Variants in AGK observed in about 807,000 individuals in gnomAD.
AGK encodes acylglycerol kinase.
AGK carries 52 observed loss-of-function variants against 66.4 expected under a neutral mutation model. The observed-to-expected ratio is 0.78, with a 90% CI of 0.63 to 0.99. The LOEUF is 0.99. Ranked by LOEUF, AGK falls within the 50% of genes least tolerant of loss-of-function variation. The pLI, the probability that AGK is intolerant of heterozygous loss-of-function variation, is 0.00. For synonymous variants in AGK, 182 were observed against 181.1 expected (o/e 1.00, Z -0.04); for missense variants, 451 against 506.6 (o/e 0.89, Z 1.05).
intron 13 of AGK, among the ~76,000 whole-genome samples, chr7:141,644,946 A>G (rs201121229): frequency 6.6e-6 from 1 of 152,120 alleles, no homozygotes; most frequent in East Asian, 1.9e-4. Context: ...CCATTTTCTC[A>G]TATTTATACT....
At chr7:141,613,581 C>T (rs1316570476) in intron 6 of AGK, among the ~76,000 whole-genome samples, 4 of 152,118 alleles carry the variant, frequency 2.6e-5, no homozygotes, top group Non-Finnish European at 5.9e-5. Context: ...ATCATGCCAT[C>T]GCTCTCCAGC....
intron 15 of AGK, 137 bp downstream of exon 15, chr7:141,651,746 C>A: frequency 1.3e-6 from 1 of 794,366 alleles, no homozygotes; most frequent in Non-Finnish European, 2.1e-6. Flanking sequence ...TTTTGCCAGG[C>A]TCTGGGTCAT....
At chr7:141,562,961 T>C (rs924044532) in intron 2 of AGK, among the ~76,000 whole-genome samples, 3 of 152,230 alleles carry the variant, frequency 2.0e-5, no homozygotes, top group Non-Finnish European at 4.4e-5. Flanking sequence ...CTAAATTTGT[T>C]CCAGCTCTAG....
At chr7:141,641,463 C>T (rs1797288762) in intron 12 of AGK, 65 bp downstream of exon 12, 4 of 1,527,422 alleles carry the variant, frequency 2.6e-6, no homozygotes, top group Middle Eastern at 1.8e-4. Flanking sequence ...TAAAGTAGAC[C>T]TCCAAAATCA....
intron 9 of AGK, among the ~76,000 whole-genome samples, chr7:141,627,284 T>A (rs930853646): frequency 1.3e-5 from 2 of 151,814 alleles, no homozygotes; most frequent in Non-Finnish European, 2.9e-5. Context: ...ATCTAAACTC[T>A]TATTTTTTTT....
In AGK at chr7:141,580,492, C is replaced by T. The variant is rs190537835; in HGVS notation, c.102-12654C>T. 1.5e-3 allele frequency among the ~76,000 whole-genome samples: 230 copies of T among 151,826 alleles called. 2 individuals are homozygous for T. The highest frequency in any genetic ancestry group is 2.4e-3 in the Non-Finnish European group (165 of 67,976). The stretch of plus-strand genomic sequence containing the variant: ...TGTGGTATCTGGAATAATGTGGGAG[C>T]CTGGAATGAAGTCCGGACCGGGAAC... On this transcript the variant is annotated intron_variant, in intron 2 of 15. Coordinates refer to ENST00000649286, the MANE Select transcript of AGK (RefSeq NM_018238.4).
intron 2 of AGK, among the ~76,000 whole-genome samples, chr7:141,587,183 T>G (rs1033669984): frequency 1.3e-5 from 2 of 152,196 alleles, no homozygotes; most frequent in Admixed American, 1.3e-4. Flanking sequence ...TCACCTTTTC[T>G]TTAATTCCCA....
intron 9 of AGK, among the ~76,000 whole-genome samples, chr7:141,625,854 G>A (rs1031262923): frequency 3.3e-5 from 5 of 151,970 alleles, no homozygotes; most frequent in Non-Finnish European, 7.4e-5. Flanking sequence ...TGATTTTGTA[G>A]ATTATCTGGC....
At chr7:141,626,749 A>G (rs1298782550) in intron 9 of AGK, among the ~76,000 whole-genome samples, 1 of 152,252 alleles carries the variant, frequency 6.6e-6, no homozygotes, top group Admixed American at 6.5e-5. Flanking sequence ...ATTAAGGAAT[A>G]CTAAAGAAAT....
At chr7:141,569,141 T>C (rs541876184) in intron 2 of AGK, among the ~76,000 whole-genome samples, 1 of 152,330 alleles carries the variant, frequency 6.6e-6, no homozygotes, top group Admixed American at 6.5e-5. Context: ...TCAAGTTCTA[T>C]GGTCAAAAAC....
Position 141,628,723 on chromosome 7 carries a change from G to A in AGK, c.589-5178G>A, listed in dbSNP as rs564723059. Among the ~76,000 whole-genome samples, 160 of 152,286 alleles carry A rather than the reference G, an allele frequency of 1.1e-3. 1 individual carries two copies. The highest frequency in any genetic ancestry group is 1.7e-3 in the Non-Finnish European group (117 of 68,034). On this transcript the variant is annotated intron_variant, in intron 9 of 15. Transcript: ENST00000649286. ...AAAAAAAGAATCCTTTGATTATGAC[G>A]AGTTGTGCTGGAGATGTAACTAGAA...
At chr7:141,640,171 T>G (rs980602276) in intron 11 of AGK, among the ~76,000 whole-genome samples, 2 of 152,168 alleles carry the variant, frequency 1.3e-5, no homozygotes, top group Admixed American at 6.5e-5. Context: ...TTTATAAATG[T>G]CAGCAGGAGT....
At chr7:141,557,135 A>G (rs1795225817) in intron 2 of AGK, among the ~76,000 whole-genome samples, 1 of 152,244 alleles carries the variant, frequency 6.6e-6, no homozygotes, top group African/African-American at 2.4e-5. Context: ...CCACATTGGA[A>G]AAGAGATTCA....
At position 141,641,354 on chromosome 7, in the gene AGK, G is replaced by A. The variant is rs761234054; in HGVS notation, c.833G>A (p.Arg278Lys). 1.2e-6 allele frequency: 2 copies of A among 1,613,448 alleles called. No individual in the cohort carries two copies. Residue 278 changes from arginine (R) to lysine (K), a missense_variant, in exon 12 of 16, where the codon AGA (arginine) becomes AAA (lysine). Coordinates refer to ENST00000649286, the MANE Select transcript of AGK (RefSeq NM_018238.4). ...TPVQRPSLYR[R>K]ILRRLASYWA... ...GTACAAAGGCCTTCTTTGTACAGGA[G>A]AATATTACGAAGGCTTGCGTCCTAC... is the stretch of plus-strand genomic sequence containing the variant.
intron 9 of AGK, among the ~76,000 whole-genome samples, chr7:141,630,201 TC>T (rs1338672115): frequency 6.6e-6 from 1 of 152,208 alleles, no homozygotes; most frequent in African/African-American, 2.4e-5. Context: ...GTTATTTCTC[TC>T]CCTTGGACTA....
chr7:141,646,842 T>C (rs895376546), intron 13 of AGK, among the ~76,000 whole-genome samples: 11 of 152,220 alleles, frequency 7.2e-5, no homozygotes, highest in African/African-American at 2.7e-4. Context: ...AGAGACCTCA[T>C]GGTCTGCAAG....
intron 12 of AGK, 82 bp from the exon 13 acceptor site, chr7:141,641,729 G>GAGCAGCT: frequency 1.8e-6 from 2 of 1,138,032 alleles, no homozygotes; most frequent in South Asian, 1.3e-5. Flanking sequence ...AAGCTGAGCT[G>GAGCAGCT]AGCAGCTAGC....
intron 8 of AGK, among the ~76,000 whole-genome samples, chr7:141,621,063 C>T (rs1279604488): frequency 1.3e-5 from 2 of 152,206 alleles, no homozygotes; most frequent in Non-Finnish European, 2.9e-5. Flanking sequence ...GAGACAGGCT[C>T]ATTAAAGCCT....
chr7:141,586,541 A>T (rs1795998310), intron 2 of AGK, among the ~76,000 whole-genome samples: 1 of 152,188 alleles, frequency 6.6e-6, no homozygotes, highest in African/African-American at 2.4e-5. Flanking sequence ...GAAAATGGTG[A>T]ATTATCCATG....
Sources: gnomAD v4.1 joint callset for allele counts (sites outside exome capture counted in the v4.1 genomes callset) on GRCh38, gnomAD v4.1.1 for gene constraint, MANE v1.5 for transcripts, NCBI Gene and HGNC (gene_info 2026-07-23, HGNC 2026-07-21) for gene names.